EYS: variants seen among roughly 807,000 people sequenced by gnomAD.
The protein encoded by EYS is protein eyes shut homolog.
In EYS, 250 loss-of-function variants were observed where a neutral mutation model predicts 282.1. That is an observed-to-expected ratio of 0.89 (90% CI 0.80 to 0.98). EYS has a LOEUF of 0.98. Ranked by LOEUF, EYS falls within the 50% of genes least tolerant of loss-of-function variation. The pLI is 0.00. For missense variants in EYS, 4,016 were observed against 3,709.0 expected, an observed-to-expected ratio of 1.08 and a Z score of -2.15; for synonymous variants, 1,355 against 1,282.9, an observed-to-expected ratio of 1.06 and a Z score of -1.20.
chr6:64,360,435 G>A lies in EYS; in HGVS notation c.6078+28255C>T, dbSNP rs141154145. ...AAGTTACTCGGCCTTCTTGTGTGCC[G>A]CTATGTCATTATCATGACCTACCTC... On this transcript the variant is annotated intron_variant, in intron 29 of 42. Coordinates refer to ENST00000503581, the MANE Select transcript of EYS (RefSeq NM_001142800.2). 2.5e-3 allele frequency among the ~76,000 whole-genome samples: 372 copies of A among 151,754 alleles called. 1 individual carries two copies. Among genetic ancestry groups the A allele is most frequent in the African/African-American group, 8.1e-3 (337 of 41,460 alleles).
At chr6:64,414,277 C>T (rs1773996535) in intron 28 of EYS, among the ~76,000 whole-genome samples, 1 of 152,008 alleles carries the variant, frequency 6.6e-6, no homozygotes, top group Non-Finnish European at 1.5e-5. Flanking sequence ...ACACAGGATG[C>T]TAGAAATCAA....
intron 12 of EYS, among the ~76,000 whole-genome samples, chr6:65,216,803 T>C (rs1236551177): frequency 6.6e-6 from 1 of 151,916 alleles, no homozygotes; most frequent in East Asian, 1.9e-4. Context: ...TGTATACATA[T>C]ATTATACATC....
chr6:65,562,043 A>C (rs1769081089), intron 2 of EYS, among the ~76,000 whole-genome samples: 3 of 151,446 alleles, frequency 2.0e-5, no homozygotes, highest in Non-Finnish European at 4.4e-5. Context: ...GTATATAATA[A>C]TTTTTGTATA....
At chr6:64,682,107 A>C (rs557928043) in intron 22 of EYS, among the ~76,000 whole-genome samples, 1 of 152,312 alleles carries the variant, frequency 6.6e-6, no homozygotes, top group East Asian at 1.9e-4. Flanking sequence ...TTTAAGGAAA[A>C]GAATAAATTT....
At position 65,393,842 on chromosome 6, in the gene EYS, C is replaced by CA. The variant is rs200731865; in HGVS notation, c.1184+8635dup. The stretch of plus-strand genomic sequence containing the variant: ...TAATCTAAATCCAGTGAGTAGAAAA[C>CA]AAAAAAAAACACAATAAGCTGAGAA... On this transcript the variant is annotated intron_variant, in intron 7 of 42. Coordinates refer to ENST00000503581, the MANE Select transcript of EYS (RefSeq NM_001142800.2). Among the ~76,000 whole-genome samples the CA allele has an allele frequency of 6.5e-3, 961 of 146,836 alleles. 9 individuals are homozygous for CA. The highest frequency in any genetic ancestry group is 0.016 in the African/African-American group (647 of 39,928).
At chr6:64,452,705 C>T (rs1352344268) in intron 26 of EYS, among the ~76,000 whole-genome samples, 1 of 152,124 alleles carries the variant, frequency 6.6e-6, no homozygotes, top group African/African-American at 2.4e-5. Context: ...AATAATGCCG[C>T]ATATCTACAA....
At chr6:63,798,963 G>GTATATA in intron 37 of EYS, among the ~76,000 whole-genome samples, 3 of 110,884 alleles carry the variant, frequency 2.7e-5, no homozygotes, top group Middle Eastern at 0.01. Context: ...ATGTATATGT[G>GTATATA]TATATATATA....
intron 13 of EYS, among the ~76,000 whole-genome samples, chr6:65,006,525 CA>C (rs113511145): frequency 0.3 from 28,400 of 95,502 alleles, 3,508 homozygotes; most frequent in African/African-American, 0.44. Context: ...AAAAAAAAAG[CA>C]AAAAGGTAGC....
At chr6:65,482,133 A>G (rs1289349445) in intron 5 of EYS, among the ~76,000 whole-genome samples, 1 of 152,322 alleles carries the variant, frequency 6.6e-6, no homozygotes, top group African/African-American at 2.4e-5. Flanking sequence ...TAATTATCAT[A>G]GTGACTAGAG....
intron 22 of EYS, among the ~76,000 whole-genome samples, chr6:64,685,640 T>C (rs1770070449): frequency 6.6e-6 from 1 of 152,150 alleles, no homozygotes; most frequent in Non-Finnish European, 1.5e-5. Flanking sequence ...GCCTGAGGCT[T>C]TTGCTAGAAG....
chr6:65,355,544 T>G (rs1006215682), intron 8 of EYS, among the ~76,000 whole-genome samples: 4 of 151,876 alleles, frequency 2.6e-5, no homozygotes, highest in African/African-American at 9.7e-5. Context: ...AACCTTCAGA[T>G]TGGGAGAAAA....
intron 2 of EYS, among the ~76,000 whole-genome samples, chr6:65,586,535 A>T (rs1562273442): frequency 6.6e-6 from 1 of 152,172 alleles, no homozygotes; most frequent in East Asian, 1.9e-4. Flanking sequence ...TAGAGACAAA[A>T]CTGATTGTCA....
chr6:65,237,581 T>G (rs1459761299), intron 12 of EYS, among the ~76,000 whole-genome samples: 1 of 152,066 alleles, frequency 6.6e-6, no homozygotes, highest in African/African-American at 2.4e-5. Flanking sequence ...AATCAATCAA[T>G]CAATCAAGGA....
At position 64,048,908 on chromosome 6, in the gene EYS, C is replaced by A. The variant is rs552324192; in HGVS notation, c.6725+17430G>T. On this transcript the variant is annotated intron_variant, in intron 33 of 42. Coordinates refer to ENST00000503581, the MANE Select transcript of EYS (RefSeq NM_001142800.2). ...TCAGTCATTCTCCTGCCATTCTTTT[C>A]CCCCCCTAGATGTTTGCTCATGCTG... Among the ~76,000 whole-genome samples the A allele has an allele frequency of 2.6e-3, 399 of 152,024 alleles. 2 individuals are homozygous for A. The highest frequency in any genetic ancestry group is 9.2e-3 in the African/African-American group (382 of 41,458).
rs184584380 is a variant in EYS at position 64,825,267 on chromosome 6, C to T, written c.2993-2445G>A. On this transcript the variant is annotated intron_variant, in intron 19 of 42. Transcript: ENST00000503581. ...ACAAAATTGCATTCTCGTCTTAATC[C>T]GCAATTGCCATTATCCTGTTTTATG... Among the ~76,000 whole-genome samples, 42 of 151,952 alleles carry T rather than the reference C, an allele frequency of 2.8e-4. 1 individual carries two copies. The East Asian group carries it at 7.8e-3, about 28-fold the overall frequency.
At chr6:65,015,119 T>C (rs938527096) in intron 13 of EYS, among the ~76,000 whole-genome samples, 9 of 152,174 alleles carry the variant, frequency 5.9e-5, no homozygotes, top group Non-Finnish European at 1.3e-4. Context: ...ACCTACCTCA[T>C]TTTAGACTTT....
intron 22 of EYS, among the ~76,000 whole-genome samples, chr6:64,691,601 C>G (rs967106149): frequency 4.6e-5 from 7 of 152,092 alleles, no homozygotes; most frequent in African/African-American, 1.7e-4. Flanking sequence ...GATCCTGTCA[C>G]CCAGGTAGTG....
intron 28 of EYS, among the ~76,000 whole-genome samples, chr6:64,397,758 C>T (rs1407087231): frequency 6.6e-6 from 1 of 151,868 alleles, no homozygotes; most frequent in Non-Finnish European, 1.5e-5. Flanking sequence ...TTTTCTACTT[C>T]ATTGACTTCT....
chr6:64,373,729 C>T lies in EYS; in HGVS notation c.6078+14961G>A, dbSNP rs143502378. Among the ~76,000 whole-genome samples, 11 of 152,234 alleles carry T rather than the reference C, an allele frequency of 7.2e-5. No individual in the cohort carries two copies. In the East Asian group the frequency reaches 1.7e-3, roughly 24 times the overall value. ...AGGGGTGGGTAGAGCATCTGGGTTCCTCCAGGGACAAAAGAAGTCTATGCC... is the reference window on the plus strand; with the variant it reads ...AGGGGTGGGTAGAGCATCTGGGTTCTTCCAGGGACAAAAGAAGTCTATGCC... On this transcript the variant is annotated intron_variant, in intron 29 of 42. Coordinates refer to ENST00000503581, the MANE Select transcript of EYS (RefSeq NM_001142800.2).
Sources: allele counts gnomAD v4.1 joint callset (sites outside exome capture counted in the v4.1 genomes callset), GRCh38; gene constraint gnomAD v4.1.1; transcripts MANE v1.5; gene names NCBI Gene and HGNC (gene_info 2026-07-23, HGNC 2026-07-21).